Variants in RARB observed in about 807,000 individuals in gnomAD.
The protein encoded by RARB is retinoic acid receptor beta.
A neutral mutation model predicts 51.9 loss-of-function variants in RARB; 17 were observed. The ratio of observed to expected loss-of-function variants is 0.33; its 90% CI spans 0.22 to 0.49. The LOEUF is 0.49. RARB is among the 20% of genes least tolerant of loss of function. The pLI, the probability that RARB is intolerant of heterozygous loss-of-function variation, is 0.99. For synonymous variants in RARB, 215 were observed against 195.4 expected, an observed-to-expected ratio of 1.10 and a Z score of -0.84; for missense variants, 369 against 550.8, an observed-to-expected ratio of 0.67 and a Z score of 3.30.
chr3:25,298,865 A>C (rs1336914773), intron 5 of RARB, among the ~76,000 whole-genome samples: 2 of 152,172 alleles, frequency 1.3e-5, no homozygotes, highest in African/African-American at 2.4e-5. Flanking sequence ...CTCAGAGTGA[A>C]GGTGGGGTTG....
chr3:25,533,495 A>T (rs563998968), intron 3 of RARB, among the ~76,000 whole-genome samples: 137 of 152,320 alleles, frequency 9.0e-4, no homozygotes, highest in African/African-American at 3.2e-3. Flanking sequence ...TTAGTTCTCC[A>T]TGGGTAGTAT....
intron 5 of RARB, among the ~76,000 whole-genome samples, chr3:25,195,837 C>G (rs887203241): frequency 2.0e-5 from 3 of 151,912 alleles, no homozygotes; most frequent in African/African-American, 7.2e-5. Flanking sequence ...ATGTAAACAT[C>G]TTCTATAAAA....
At chr3:25,564,636 GT>G (rs1345784315) in intron 3 of RARB, among the ~76,000 whole-genome samples, 5 of 152,174 alleles carry the variant, frequency 3.3e-5, no homozygotes, top group Admixed American at 3.3e-4. Flanking sequence ...TTGCAAAACA[GT>G]TTTGAGGCCC....
intron 5 of RARB, among the ~76,000 whole-genome samples, chr3:25,280,162 A>G (rs1703486450): frequency 6.6e-6 from 1 of 152,220 alleles, no homozygotes; most frequent in African/African-American, 2.4e-5. Flanking sequence ...AAGAGTAGGC[A>G]GTCATGGAGA....
chr3:25,099,597 A>G (rs1166829595), intron 3 of RARB, among the ~76,000 whole-genome samples: 1 of 140,948 alleles, frequency 7.1e-6, no homozygotes, highest in Non-Finnish European at 1.5e-5. Context: ...TACCTTTCTC[A>G]TGAGTATTTT....
chr3:25,418,317 A>G (rs1394179961), intron 5 of RARB, among the ~76,000 whole-genome samples: 1 of 152,214 alleles, frequency 6.6e-6, no homozygotes, highest in Non-Finnish European at 1.5e-5. Flanking sequence ...GAATGTGTGA[A>G]TACTAATGCC....
chr3:24,968,166 A>G (rs1696317991), intron 2 of RARB, among the ~76,000 whole-genome samples: 1 of 152,186 alleles, frequency 6.6e-6, no homozygotes, highest in South Asian at 2.1e-4. Context: ...GATGGACAGT[A>G]AAGTAGGCAA....
In RARB at chr3:25,067,761, G is replaced by A. The variant is rs62228541; in HGVS notation, c.-328+7585G>A. Among the ~76,000 whole-genome samples, 1,000 of 152,172 alleles carry A rather than the reference G, an allele frequency of 6.6e-3. 6 individuals carry two copies. Among genetic ancestry groups the A allele is most frequent in the Middle Eastern group, 0.014 (4 of 294 alleles). The stretch of plus-strand genomic sequence containing the variant: ...TTCTTTTTGCTTCCTGCACTTTTTA[G>A]GCTGTCAGGTTATATCTGTTCTTTT... On this transcript the variant is annotated intron_variant, in intron 3 of 11. Transcript: ENST00000383772.
At chr3:25,594,927 A>G (rs1416079770) in intron 7 of RARB, among the ~76,000 whole-genome samples, 2 of 152,050 alleles carry the variant, frequency 1.3e-5, no homozygotes, top group South Asian at 2.1e-4. Flanking sequence ...TTAGAAAAAC[A>G]TTGTTTTCAA....
At chr3:25,293,806 G>C (rs533790983) in intron 5 of RARB, among the ~76,000 whole-genome samples, 1 of 152,052 alleles carries the variant, frequency 6.6e-6, no homozygotes, top group East Asian at 1.9e-4. Context: ...TGAAGAACTG[G>C]TTCTGCTCAC....
intron 2 of RARB, among the ~76,000 whole-genome samples, chr3:25,023,764 A>G (rs1697687210): frequency 6.6e-6 from 1 of 152,226 alleles, no homozygotes; most frequent in Non-Finnish European, 1.5e-5. Flanking sequence ...TGAAACCTCA[A>G]TAGATTAGAG....
At chr3:25,015,414 T>A (rs1341583700) in intron 2 of RARB, among the ~76,000 whole-genome samples, 1 of 152,212 alleles carries the variant, frequency 6.6e-6, no homozygotes, top group Non-Finnish European at 1.5e-5. Context: ...CTTTATAATT[T>A]GTTAAAATAA....
intron 5 of RARB, among the ~76,000 whole-genome samples, chr3:25,253,331 G>C (rs1702776999): frequency 2.0e-5 from 3 of 152,044 alleles, no homozygotes; most frequent in Non-Finnish European, 4.4e-5. Flanking sequence ...TACATAACCA[G>C]CATCAACAAG....
intron 2 of RARB, among the ~76,000 whole-genome samples, chr3:25,053,078 A>C (rs899859351): frequency 1.3e-5 from 2 of 152,174 alleles, no homozygotes; most frequent in African/African-American, 4.8e-5. Flanking sequence ...ATTGGAAAGT[A>C]TCCTTAAGGA....
chr3:25,463,174 C>T (rs1695268894), intron 2 of RARB, among the ~76,000 whole-genome samples: 3 of 152,038 alleles, frequency 2.0e-5, no homozygotes, highest in African/African-American at 7.2e-5. Flanking sequence ...CGCCCAGCCC[C>T]ACTCAATTTC....
chr3:25,161,876 G>T (rs1340140777), intron 4 of RARB, among the ~76,000 whole-genome samples: 2 of 152,160 alleles, frequency 1.3e-5, no homozygotes, highest in African/African-American at 2.4e-5. Context: ...CCCTGGCAGA[G>T]CCCCCTGGAT....
intron 3 of RARB, among the ~76,000 whole-genome samples, chr3:25,568,580 GC>G (rs1700586594): frequency 6.6e-6 from 1 of 151,838 alleles, no homozygotes; most frequent in Non-Finnish European, 1.5e-5. Flanking sequence ...GTCTTACTCT[GC>G]CCTCAGCTCC....
chr3:25,130,772 A>G (rs1017814322), intron 3 of RARB, among the ~76,000 whole-genome samples: 2 of 151,372 alleles, frequency 1.3e-5, no homozygotes, highest in African/African-American at 4.9e-5. Context: ...TATCTCCTGC[A>G]GCCTCATCCT....
At chr3:25,506,465 G>A (rs1364880898) in intron 3 of RARB, among the ~76,000 whole-genome samples, 1 of 151,938 alleles carries the variant, frequency 6.6e-6, no homozygotes, top group African/African-American at 2.4e-5. Context: ...AAAATTAGCT[G>A]AGAGTGATGG....
Sources: gnomAD v4.1 joint callset for allele counts (sites outside exome capture counted in the v4.1 genomes callset) on GRCh38, gnomAD v4.1.1 for gene constraint, MANE v1.5 for transcripts, NCBI Gene and HGNC (gene_info 2026-07-23, HGNC 2026-07-21) for gene names.